The following LDB2 variants were observed in gnomAD, a reference collection of about 807,000 sequenced individuals.
LDB2 encodes the protein LIM domain-binding protein 2.
A neutral mutation model predicts 44.3 loss-of-function variants in LDB2; 12 were observed. The ratio of observed to expected loss-of-function variants is 0.27; its 90% CI spans 0.17 to 0.44. LDB2 has a LOEUF of 0.44. Among genes scored for constraint, LDB2 ranks in the 20% least tolerant of loss-of-function variants. The pLI is 1.00. For synonymous variants in LDB2, 164 were observed against 174.8 expected (o/e 0.94, Z 0.49); for missense variants, 344 against 473.5 (o/e 0.73, Z 2.54).
At chr4:16,615,137 C>T (rs116166225) in intron 2 of LDB2, among the ~76,000 whole-genome samples, 2 of 144,500 alleles carry the variant, frequency 1.4e-5, no homozygotes, top group Non-Finnish European at 3.0e-5. Flanking sequence ...GAAATAGGAA[C>T]GATTTTACAC....
At chr4:16,576,428 A>G (rs1406680645) in intron 5 of LDB2, among the ~76,000 whole-genome samples, 3 of 152,184 alleles carry the variant, frequency 2.0e-5, no homozygotes, top group Non-Finnish European at 4.4e-5. Flanking sequence ...ACAGAAATTT[A>G]AAAGGTCCTT....
chr4:16,511,922 A>G, intron 6 of LDB2, 59 bp downstream of exon 6: 1 of 1,550,542 alleles, frequency 6.4e-7, no homozygotes, highest in Non-Finnish European at 8.7e-7. Flanking sequence ...ACATCACTTC[A>G]TCCCTGGAAG....
intron 1 of LDB2, among the ~76,000 whole-genome samples, chr4:16,777,251 G>C (rs539848695): frequency 6.6e-6 from 1 of 152,234 alleles, no homozygotes; most frequent in East Asian, 1.9e-4. Flanking sequence ...CGTGAGGGTG[G>C]AGCATACGGT....
intron 2 of LDB2, among the ~76,000 whole-genome samples, chr4:16,686,150 G>A (rs957095854): frequency 6.6e-5 from 10 of 152,202 alleles, no homozygotes; most frequent in African/African-American, 2.4e-4. Flanking sequence ...ACTCGAAGCA[G>A]AGAGTAACCA....
chr4:16,764,468 T>G (rs1293112424), intron 1 of LDB2, among the ~76,000 whole-genome samples: 1 of 151,200 alleles, frequency 6.6e-6, no homozygotes, highest in African/African-American at 2.4e-5. Context: ...ACAACTCTAC[T>G]GGTAGACACT....
chr4:16,696,100 A>G (rs1752067278), intron 2 of LDB2, among the ~76,000 whole-genome samples: 1 of 152,182 alleles, frequency 6.6e-6, no homozygotes, highest in Non-Finnish European at 1.5e-5. Flanking sequence ...CCTTGGGGAG[A>G]GAGGAAAGTA....
At chr4:16,548,739 T>C (rs1405300573) in intron 5 of LDB2, among the ~76,000 whole-genome samples, 1 of 152,230 alleles carries the variant, frequency 6.6e-6, no homozygotes, top group Admixed American at 6.5e-5. Context: ...AACAATTAGC[T>C]GAAAGCCTTT....
intron 5 of LDB2, among the ~76,000 whole-genome samples, chr4:16,516,144 C>G (rs990871293): frequency 6.6e-6 from 1 of 152,030 alleles, no homozygotes; most frequent in Non-Finnish European, 1.5e-5. Context: ...GGATTACAGG[C>G]GTGAGCCACC....
intron 2 of LDB2, among the ~76,000 whole-genome samples, chr4:16,701,826 T>C (rs1753513531): frequency 6.6e-6 from 1 of 152,192 alleles, no homozygotes; most frequent in African/African-American, 2.4e-5. Flanking sequence ...GTTCGGGATA[T>C]AGTACTAGTA....
At chr4:16,695,920 GT>G (rs1347535597) in intron 2 of LDB2, among the ~76,000 whole-genome samples, 1 of 152,186 alleles carries the variant, frequency 6.6e-6, no homozygotes, top group African/African-American at 2.4e-5. Flanking sequence ...TCAGGCTATA[GT>G]TTCCCACTTC....
intron 1 of LDB2, among the ~76,000 whole-genome samples, chr4:16,841,302 T>C (rs1308000048): frequency 6.6e-6 from 1 of 152,212 alleles, no homozygotes; most frequent in Non-Finnish European, 1.5e-5. Context: ...ACATAGAAAA[T>C]GTGAGTGGAT....
chr4:16,753,341 C>T (rs973005999), intron 2 of LDB2, among the ~76,000 whole-genome samples: 1 of 152,190 alleles, frequency 6.6e-6, no homozygotes, highest in Non-Finnish European at 1.5e-5. Context: ...CCTACTTGGG[C>T]CCCTTGCAGA....
intron 2 of LDB2, among the ~76,000 whole-genome samples, chr4:16,636,434 C>CCCATTGA (rs1733628473): frequency 6.6e-6 from 1 of 152,182 alleles, no homozygotes; most frequent in Non-Finnish European, 1.5e-5. Context: ...AGTAGGCCCA[C>CCCATTGA]GGTATCATAC....
chr4:16,766,973 T>C (rs1286560824), intron 1 of LDB2, among the ~76,000 whole-genome samples: 1 of 152,220 alleles, frequency 6.6e-6, no homozygotes, highest in African/African-American at 2.4e-5. Flanking sequence ...TAGTTTCCTT[T>C]TGTGTTTATA....
At position 16,643,035 on chromosome 4, in the gene LDB2, C is replaced by T. The variant is rs540779928; in HGVS notation, c.236-47160G>A. Among the ~76,000 whole-genome samples, 6 of 152,298 alleles carry T rather than the reference C, an allele frequency of 3.9e-5. No individual in the cohort carries two copies. The South Asian group carries it at 1.2e-3, about 32-fold the overall frequency. On this transcript the variant is annotated intron_variant, in intron 2 of 7. Transcript: ENST00000304523. Reference sequence around the variant, plus strand: ...TGTATGATGCCTGGCAGAGCCACCTCTAAAGAACACCTTTCATATCATAGA... The same window carrying T: ...TGTATGATGCCTGGCAGAGCCACCTTTAAAGAACACCTTTCATATCATAGA...
chr4:16,812,594 A>G (rs921305016), intron 1 of LDB2, among the ~76,000 whole-genome samples: 1 of 116,208 alleles, frequency 8.6e-6, no homozygotes, highest in Non-Finnish European at 1.8e-5. Flanking sequence ...ATATATATAT[A>G]TATATATATA....
At chr4:16,779,486 C>T (rs571622603) in intron 1 of LDB2, among the ~76,000 whole-genome samples, 1 of 152,176 alleles carries the variant, frequency 6.6e-6, no homozygotes, top group Non-Finnish European at 1.5e-5. Context: ...GTTAGCCCCA[C>T]CTGCCACCTT....
At chr4:16,862,481 A>G (rs758322077) in intron 1 of LDB2, among the ~76,000 whole-genome samples, 5 of 151,916 alleles carry the variant, frequency 3.3e-5, no homozygotes, top group Non-Finnish European at 5.9e-5. Flanking sequence ...TAAAAATACA[A>G]TATTAGCTAG....
intron 2 of LDB2, among the ~76,000 whole-genome samples, chr4:16,693,347 C>CT (rs71181181): frequency 0.043 from 4,832 of 111,962 alleles, 278 homozygotes; most frequent in African/African-American, 0.13. Context: ...AGCAATAGTT[C>CT]TTTTTTTTTT....
Sources: allele counts gnomAD v4.1 joint callset (sites outside exome capture counted in the v4.1 genomes callset), GRCh38; gene constraint gnomAD v4.1.1; transcripts MANE v1.5; gene names NCBI Gene and HGNC (gene_info 2026-07-23, HGNC 2026-07-21).